The following VPS13B variants were observed in gnomAD, a reference collection of about 807,000 sequenced individuals.
VPS13B encodes the protein intermembrane lipid transfer protein VPS13B.
A neutral mutation model predicts 426.4 loss-of-function variants in VPS13B; 285 were observed. The ratio of observed to expected loss-of-function variants is 0.67; its 90% CI spans 0.61 to 0.74. The LOEUF (loss-of-function observed/expected upper bound fraction) is 0.74. Among genes scored for constraint, VPS13B ranks in the 30% least tolerant of loss-of-function variants. The pLI, the probability that VPS13B is intolerant of heterozygous loss-of-function variation, is 0.00. For missense variants in VPS13B, 4,537 were observed against 4,782.6 expected (o/e 0.95, Z 1.51); for synonymous variants, 1,676 against 1,676.4 (o/e 1.00, Z 0.01).
chr8:99,472,373 CCA>C (rs1819459501), intron 24 of VPS13B, among the ~76,000 whole-genome samples: 2 of 151,652 alleles, frequency 1.3e-5, no homozygotes, highest in Non-Finnish European at 2.9e-5. Flanking sequence ...TATTATTTGA[CCA>C]CAGTCAAATT....
At chr8:99,774,186 AGT>A (rs1396167749) in intron 40 of VPS13B, among the ~76,000 whole-genome samples, 2 of 152,186 alleles carry the variant, frequency 1.3e-5, no homozygotes, top group Non-Finnish European at 2.9e-5. Context: ...GTGTTTAAGA[AGT>A]GTGTGATTTT....
At chr8:99,230,942 G>A (rs752758557) in intron 17 of VPS13B, among the ~76,000 whole-genome samples, 8 of 152,340 alleles carry the variant, frequency 5.3e-5, no homozygotes, top group Non-Finnish European at 7.3e-5. Context: ...GAATTTGTGT[G>A]TGAAAATGCT....
At chr8:99,239,015 T>C (rs1211263769) in intron 17 of VPS13B, among the ~76,000 whole-genome samples, 2 of 152,180 alleles carry the variant, frequency 1.3e-5, no homozygotes. Context: ...TAAGAATCAC[T>C]TGGGGTTGTG....
At chr8:99,323,695 A>G (rs1810100180) in intron 19 of VPS13B, among the ~76,000 whole-genome samples, 1 of 152,136 alleles carries the variant, frequency 6.6e-6, no homozygotes, top group Non-Finnish European at 1.5e-5. Context: ...ATTAAAACTT[A>G]GATAGGCTAC....
intron 23 of VPS13B, among the ~76,000 whole-genome samples, chr8:99,453,302 C>T (rs1478433944): frequency 6.6e-6 from 1 of 152,096 alleles, no homozygotes; most frequent in Non-Finnish European, 1.5e-5. Context: ...TCCAGTTTCA[C>T]TTAGTGTGTT....
intron 23 of VPS13B, among the ~76,000 whole-genome samples, chr8:99,446,083 C>T (rs1817906101): frequency 6.6e-6 from 1 of 152,188 alleles, no homozygotes; most frequent in Non-Finnish European, 1.5e-5. Flanking sequence ...GCCACATTTG[C>T]CTACCTATAT....
chr8:99,051,996 T>C (rs9802076), intron 3 of VPS13B, among the ~76,000 whole-genome samples: 52 of 152,274 alleles, frequency 3.4e-4, no homozygotes, highest in East Asian at 1.2e-3. Flanking sequence ...TTTGACTTCC[T>C]CTTTTCCTAA....
Position 99,156,606 on chromosome 8 carries a change from A to C in VPS13B, c.2071A>C (p.Ile691Leu), listed in dbSNP as rs1288178539. The change falls in exon 15 of 62, where the codon ATT (isoleucine) becomes CTT (leucine). Residue 691 changes from isoleucine to leucine, a missense_variant. Around this residue, in one of 2 missense-constraint regions of VPS13B, gnomAD observed 4,311 missense variants for 4,474.3 expected, o/e 0.96. Transcript: ENST00000357162. ...CCAGTCTCTTCGGCCTTTGCCATCCATTCGAATATTGGTGGATAAAATTAA... is the reference window on the plus strand; with the variant it reads ...CCAGTCTCTTCGGCCTTTGCCATCCCTTCGAATATTGGTGGATAAAATTAA... ...NFQSLRPLPSIRILVDKINLE... is the reference protein window; with the variant it reads ...NFQSLRPLPSLRILVDKINLE... 6.2e-7 allele frequency: 1 copy of C among 1,613,946 alleles called. No homozygotes were observed. The highest frequency in any genetic ancestry group is 8.5e-7 in the Non-Finnish European group (1 of 1,179,914).
At chr8:99,352,752 A>G (rs1367181020) in intron 19 of VPS13B, among the ~76,000 whole-genome samples, 2 of 151,224 alleles carry the variant, frequency 1.3e-5, no homozygotes, top group African/African-American at 2.4e-5. Flanking sequence ...TGAACCCGGG[A>G]GGCGGAGGTT....
intron 8 of VPS13B, among the ~76,000 whole-genome samples, chr8:99,124,588 TA>T (rs768024220): frequency 4.6e-5 from 7 of 152,084 alleles, no homozygotes; most frequent in African/African-American, 9.6e-5. Context: ...TATTCAGCCA[TA>T]AAAAAATGAA....
chr8:99,252,037 ATTTC>A (rs1191508694), intron 17 of VPS13B, among the ~76,000 whole-genome samples: 1 of 151,392 alleles, frequency 6.6e-6, no homozygotes, highest in Non-Finnish European at 1.5e-5. Context: ...TTTAAATATA[ATTTC>A]TTTATTTTTT....
chr8:99,776,901 C>T lies in VPS13B; in HGVS notation c.7374C>T (p.Phe2458=). 1 of 1,614,094 alleles carries T rather than the reference C, an allele frequency of 6.2e-7. No individual in the cohort carries two copies. The highest frequency in any genetic ancestry group is 1.7e-5 in the Admixed American group (1 of 60,010). Reference sequence around the variant, plus strand: ...TTGTCCCATCCCTTTGCGTTTCTTTCCAGTTTGCTCACCTGGAATTCCATC... The same window carrying T: ...TTGTCCCATCCCTTTGCGTTTCTTTTCAGTTTGCTCACCTGGAATTCCATC... The part of the protein sequence containing the change: ...PWFVPSLCVS[F]QFAHLEFHLC... Residue 2458 remains phenylalanine, a synonymous_variant, in exon 41 of 62, where the codon TTC becomes TTT. Transcript: ENST00000357162.
intron 3 of VPS13B, among the ~76,000 whole-genome samples, chr8:99,048,216 TTGATA>T (rs1337759208): frequency 6.6e-6 from 1 of 152,192 alleles, no homozygotes; most frequent in Admixed American, 6.5e-5. Context: ...GAGAGAGTGC[TTGATA>T]TAATTTCAAT....
chr8:99,417,917 A>G (rs1816123564), intron 21 of VPS13B, among the ~76,000 whole-genome samples: 2 of 152,128 alleles, frequency 1.3e-5, no homozygotes, highest in Admixed American at 6.6e-5. Context: ...TAAATAGTTG[A>G]CGTGATTTTA....
At chr8:99,400,391 A>C (rs1271115205) in intron 21 of VPS13B, among the ~76,000 whole-genome samples, 2 of 152,240 alleles carry the variant, frequency 1.3e-5, no homozygotes, top group Non-Finnish European at 1.5e-5. Flanking sequence ...AGAAGGAATA[A>C]ATTAGAACAA....
chr8:99,529,906 A>G (rs1822841859), intron 30 of VPS13B, among the ~76,000 whole-genome samples: 1 of 152,212 alleles, frequency 6.6e-6, no homozygotes, highest in African/African-American at 2.4e-5. Context: ...CCTATACTTT[A>G]AATATTACCA....
At chr8:99,270,131 C>CTTTTTTTTTTT (rs71273170) in intron 17 of VPS13B, among the ~76,000 whole-genome samples, 2,675 of 30,288 alleles carry the variant, frequency 0.088, 1,215 homozygotes, top group Non-Finnish European at 0.11. Context: ...ATATAAGAAT[C>CTTTTTTTTTTT]TTTTTTTTTT....
chr8:99,156,657 G>A lies in VPS13B; in HGVS notation c.2122G>A (p.Ala708Thr). The A allele has an allele frequency of 6.2e-7, 1 of 1,614,090 alleles. No homozygotes were observed. The highest frequency in any genetic ancestry group is 2.2e-5 in the East Asian group (1 of 44,868). The change falls in exon 15 of 62, where the codon GCT becomes ACT. Residue 708 changes from alanine to threonine, a missense_variant. Coordinates refer to ENST00000357162, the MANE Select transcript of VPS13B (RefSeq NM_152564.5). ...TCTGGAACATTCAGTGCCAATGTAT[G>A]CTGAACAGTTGGTGCATGTGGTCAG... ...INLEHSVPMY[A>T]EQLVHVVSSL...
At chr8:99,798,882 A>C (rs1209243032) in intron 43 of VPS13B, among the ~76,000 whole-genome samples, 1 of 152,228 alleles carries the variant, frequency 6.6e-6, no homozygotes, top group African/African-American at 2.4e-5. Flanking sequence ...TACTTGGAGA[A>C]AGGTAATGCA....
Sources: gnomAD v4.1 joint callset for allele counts (sites outside exome capture counted in the v4.1 genomes callset) on GRCh38, gnomAD v4.1.1 for gene constraint, gnomAD v4.1.1 regional missense constraint, MANE v1.5 for transcripts, NCBI Gene and HGNC (gene_info 2026-07-23, HGNC 2026-07-21) for gene names.